The following SPOCK1 variants were observed in gnomAD, a reference collection of about 807,000 sequenced individuals.
SPOCK1 encodes the protein SPARC (osteonectin), cwcv and kazal like domains proteoglycan 1.
A neutral mutation model predicts 55.3 loss-of-function variants in SPOCK1; 23 were observed. That is an observed-to-expected ratio of 0.42 (90% CI 0.30 to 0.59). The LOEUF (loss-of-function observed/expected upper bound fraction) is 0.59, where lower values mean the gene tolerates loss of function less well. Among genes scored for constraint, SPOCK1 ranks in the 20% least tolerant of loss-of-function variants. The pLI is 0.22. For missense variants in SPOCK1, 499 were observed against 552.5 expected (o/e 0.90, Z 0.97); for synonymous variants, 226 against 221.0 (o/e 1.02, Z -0.20).
At chr5:136,979,573 T>G in intron 9 of SPOCK1, 104 bp from the exon 10 acceptor site, 2 of 1,436,276 alleles carry the variant, frequency 1.4e-6, no homozygotes, top group Non-Finnish European at 1.9e-6. Context: ...GAATATCTGC[T>G]GCAGGGTCAG....
chr5:137,417,773 T>C (rs1391714168), intron 2 of SPOCK1, among the ~76,000 whole-genome samples: 1 of 152,130 alleles, frequency 6.6e-6, no homozygotes, highest in Non-Finnish European at 1.5e-5. Context: ...AGTTTTTCTA[T>C]TTTTTTATCT....
At chr5:137,056,269 G>C (rs1752298633) in intron 6 of SPOCK1, among the ~76,000 whole-genome samples, 1 of 152,080 alleles carries the variant, frequency 6.6e-6, no homozygotes, top group African/African-American at 2.4e-5. Flanking sequence ...ATGTGGGGGT[G>C]GGGGACAGGG....
intron 2 of SPOCK1, among the ~76,000 whole-genome samples, chr5:137,426,707 C>A (rs776711847): frequency 6.6e-6 from 1 of 152,150 alleles, no homozygotes; most frequent in Non-Finnish European, 1.5e-5. Flanking sequence ...AGAACTCCTG[C>A]TACCAGAAGT....
chr5:137,313,583 C>T (rs1029096204), intron 2 of SPOCK1: 21 of 639,484 alleles, frequency 3.3e-5, no homozygotes, highest in Middle Eastern at 7.8e-4. Flanking sequence ...GAACCTGACC[C>T]CATTCTTCTA....
intron 2 of SPOCK1, among the ~76,000 whole-genome samples, chr5:137,326,549 CAGCAAA>C (rs1330338129): frequency 6.6e-6 from 1 of 152,184 alleles, no homozygotes; most frequent in Non-Finnish European, 1.5e-5. Context: ...ATCTTTTTAA[CAGCAAA>C]AGCCAATCTT....
chr5:137,213,421 G>A (rs920646955), intron 3 of SPOCK1, among the ~76,000 whole-genome samples: 1 of 152,184 alleles, frequency 6.6e-6, no homozygotes, highest in Admixed American at 6.5e-5. Context: ...GATGAGCCAA[G>A]CTCTGTGCAG....
intron 3 of SPOCK1, among the ~76,000 whole-genome samples, chr5:137,260,138 C>T (rs138948326): frequency 2.0e-5 from 3 of 152,292 alleles, no homozygotes; most frequent in South Asian, 4.1e-4. Context: ...CCAGAAAGGA[C>T]ATGTGATTTG....
intron 6 of SPOCK1, among the ~76,000 whole-genome samples, chr5:137,030,995 A>C (rs1268388693): frequency 6.6e-6 from 1 of 152,210 alleles, no homozygotes; most frequent in Non-Finnish European, 1.5e-5. Context: ...TGTTTTAAAA[A>C]GCCATAGTTT....
intron 6 of SPOCK1, among the ~76,000 whole-genome samples, chr5:137,019,339 C>T (rs1751514420): frequency 6.6e-6 from 1 of 152,088 alleles, no homozygotes; most frequent in Non-Finnish European, 1.5e-5. Context: ...CTAGTTTTAT[C>T]TCAAGGTGTT....
At chr5:137,300,933 C>A (rs1036026008) in intron 2 of SPOCK1, among the ~76,000 whole-genome samples, 5 of 152,102 alleles carry the variant, frequency 3.3e-5, no homozygotes, top group Admixed American at 6.5e-5. Context: ...CATTCCCTCC[C>A]AGGTTCTGGT....
intron 2 of SPOCK1, among the ~76,000 whole-genome samples, chr5:137,451,561 T>C (rs562449366): frequency 1.1e-4 from 16 of 152,356 alleles, no homozygotes; most frequent in African/African-American, 3.6e-4. Context: ...ATCCAGCTAA[T>C]GTGCTTTCCC....
chr5:137,319,469 A>C (rs1054167340), intron 2 of SPOCK1, among the ~76,000 whole-genome samples: 17 of 152,210 alleles, frequency 1.1e-4, no homozygotes, highest in Non-Finnish European at 1.6e-4. Context: ...AGTCCTTTTA[A>C]TACTTGTAAA....
chr5:137,086,193 T>C (rs1442190186), intron 5 of SPOCK1, among the ~76,000 whole-genome samples: 1 of 152,138 alleles, frequency 6.6e-6, no homozygotes, highest in Non-Finnish European at 1.5e-5. Context: ...TCCTTCCTTC[T>C]ACCCCTCCCT....
At chr5:137,294,609 C>A (rs1028384114) in intron 2 of SPOCK1, among the ~76,000 whole-genome samples, 2 of 152,226 alleles carry the variant, frequency 1.3e-5, no homozygotes, top group African/African-American at 4.8e-5. Flanking sequence ...TTATTTTCCA[C>A]ATATCAGCTG....
rs570137382 is a variant in SPOCK1 at position 137,000,432 on chromosome 5, A to G, written c.590-7832T>C. On this transcript the variant is annotated intron_variant, in intron 6 of 10. Coordinates refer to ENST00000394945, the MANE Select transcript of SPOCK1 (RefSeq NM_004598.4). ...TTGGGTCTCTTCCCTCCATCATGGCATTCTCAGGCTGCTGGAAGCCTTCAG... is the reference window on the plus strand; with the variant it reads ...TTGGGTCTCTTCCCTCCATCATGGCGTTCTCAGGCTGCTGGAAGCCTTCAG... Among the ~76,000 whole-genome samples, 11 of 152,228 alleles carry G rather than the reference A, an allele frequency of 7.2e-5. No individual in the cohort carries two copies. The South Asian group carries it at 2.3e-3, about 32-fold the overall frequency.
chr5:137,170,587 T>TTCTCTCTCTCTC (rs56347412), intron 3 of SPOCK1, among the ~76,000 whole-genome samples: 2 of 142,486 alleles, frequency 1.4e-5, no homozygotes, highest in African/African-American at 5.2e-5. Context: ...AGCCTGTTAT[T>TTCTCTCTCTCTC]TCTCTCTCTC....
At chr5:137,145,055 C>T (rs1754167165) in intron 3 of SPOCK1, among the ~76,000 whole-genome samples, 1 of 152,094 alleles carries the variant, frequency 6.6e-6, no homozygotes, top group Non-Finnish European at 1.5e-5. Flanking sequence ...CAGGCGCCCA[C>T]CAAAGGTTAA....
chr5:137,246,966 C>A (rs1756407400), intron 3 of SPOCK1, among the ~76,000 whole-genome samples: 1 of 152,140 alleles, frequency 6.6e-6, no homozygotes, highest in Admixed American at 6.5e-5. Context: ...CGGGTGGAGC[C>A]CAGGATCAGC....
intron 9 of SPOCK1, among the ~76,000 whole-genome samples, chr5:136,984,496 T>C (rs889592345): frequency 1.3e-5 from 2 of 152,170 alleles, no homozygotes; most frequent in African/African-American, 4.8e-5. Context: ...AGTGTTTCTA[T>C]GACAAATGCC....
Sources: allele counts gnomAD v4.1 joint callset (sites outside exome capture counted in the v4.1 genomes callset), GRCh38; gene constraint gnomAD v4.1.1; transcripts MANE v1.5; gene names NCBI Gene and HGNC (gene_info 2026-07-23, HGNC 2026-07-21).